MDGA2: variants seen among roughly 807,000 people sequenced by gnomAD.
MDGA2 encodes MAM domain-containing glycosylphosphatidylinositol anchor protein 2.
In MDGA2, 40 loss-of-function variants were observed where a neutral mutation model predicts 117.8. The observed-to-expected ratio is 0.34, with a 90% CI of 0.26 to 0.44. The LOEUF (loss-of-function observed/expected upper bound fraction) is 0.44. Ranked by LOEUF, MDGA2 falls within the 20% of genes least tolerant of loss-of-function variation. The pLI is 1.00. For synonymous variants in MDGA2, 452 were observed against 439.0 expected (o/e 1.03, Z -0.37); for missense variants, 1,123 against 1,250.6 (o/e 0.90, Z 1.54).
At chr14:47,481,132 T>C (rs1893946582) in intron 1 of MDGA2, among the ~76,000 whole-genome samples, 2 of 151,982 alleles carry the variant, frequency 1.3e-5, no homozygotes, top group African/African-American at 2.4e-5. Flanking sequence ...GCCTAAGTTA[T>C]TGTGATGCTA....
At chr14:46,854,886 G>T in intron 15 of MDGA2, 138 bp downstream of exon 15, 1 of 722,086 alleles carries the variant, frequency 1.4e-6, no homozygotes, top group Non-Finnish European at 2.0e-6. Context: ...TAGAACTAAA[G>T]CAAAACCTAA....
chr14:47,561,158 G>GTTTTTTTTTTTTTTTTTTTTTTTT (rs200625450), intron 1 of MDGA2, among the ~76,000 whole-genome samples: 6 of 55,074 alleles, frequency 1.1e-4, no homozygotes, highest in Admixed American at 5.0e-4. Context: ...TTTTTGTTTT[G>GTTTTTTTTTTTTTTTTTTTTTTTT]TTTTGTTTTT....
intron 1 of MDGA2, among the ~76,000 whole-genome samples, chr14:47,517,771 GAC>G (rs1256840086): frequency 6.6e-6 from 1 of 152,014 alleles, no homozygotes; most frequent in Non-Finnish European, 1.5e-5. Context: ...ACATGAAACT[GAC>G]AAAAAATGTT....
intron 8 of MDGA2, among the ~76,000 whole-genome samples, chr14:46,958,008 T>A (rs968395715): frequency 1.3e-5 from 2 of 152,204 alleles, no homozygotes; most frequent in Non-Finnish European, 2.9e-5. Context: ...GTAAGAATTC[T>A]TTTTTTATTA....
At chr14:47,349,245 T>C (rs1203866815) in intron 1 of MDGA2, among the ~76,000 whole-genome samples, 1 of 152,222 alleles carries the variant, frequency 6.6e-6, no homozygotes, top group East Asian at 1.9e-4. Context: ...GGCACTGGAT[T>C]GCCCTAGACA....
At chr14:47,095,572 G>T (rs1173166325) in intron 6 of MDGA2, among the ~76,000 whole-genome samples, 1 of 151,768 alleles carries the variant, frequency 6.6e-6, no homozygotes, top group Non-Finnish European at 1.5e-5. Context: ...CATTATGGTA[G>T]TTTAACTGGC....
chr14:47,200,131 A>G (rs879694552), intron 3 of MDGA2, among the ~76,000 whole-genome samples: 1 of 152,040 alleles, frequency 6.6e-6, no homozygotes, highest in Admixed American at 6.5e-5. Context: ...TATGTTGTAT[A>G]TATGTGTTTA....
intron 1 of MDGA2, among the ~76,000 whole-genome samples, chr14:47,328,320 A>G (rs1890200823): frequency 6.6e-6 from 1 of 152,126 alleles, no homozygotes; most frequent in Non-Finnish European, 1.5e-5. Context: ...ATGAAATCCT[A>G]TATTTCTACT....
intron 1 of MDGA2, among the ~76,000 whole-genome samples, chr14:47,503,752 T>G (rs910262235): frequency 6.6e-6 from 1 of 152,188 alleles, no homozygotes; most frequent in Non-Finnish European, 1.5e-5. Flanking sequence ...TTTATTTTGT[T>G]GTCAATACCA....
chr14:46,966,188 T>C (rs59859694), intron 8 of MDGA2, among the ~76,000 whole-genome samples: 5,200 of 152,186 alleles, frequency 0.034, 291 homozygotes, highest in African/African-American at 0.12. Context: ...CAATAACCCA[T>C]TTATAGAAGA....
intron 1 of MDGA2, among the ~76,000 whole-genome samples, chr14:47,519,501 T>C (rs1471414702): frequency 1.3e-5 from 2 of 152,140 alleles, no homozygotes; most frequent in Non-Finnish European, 2.9e-5. Flanking sequence ...TCTTAGAGAG[T>C]TTGAATTTAC....
intron 5 of MDGA2, among the ~76,000 whole-genome samples, chr14:47,099,053 C>G (rs1566623082): frequency 6.6e-6 from 1 of 151,866 alleles, no homozygotes; most frequent in Non-Finnish European, 1.5e-5. Context: ...GACTTGGAAA[C>G]ACAGTATTGC....
intron 1 of MDGA2, among the ~76,000 whole-genome samples, chr14:47,483,208 T>A (rs923115210): frequency 2.0e-5 from 3 of 152,182 alleles, no homozygotes; most frequent in African/African-American, 7.2e-5. Flanking sequence ...TATCTATTGT[T>A]TAAAATTGGT....
At chr14:47,178,535 T>G (rs1054400301) in intron 3 of MDGA2, among the ~76,000 whole-genome samples, 1 of 152,204 alleles carries the variant, frequency 6.6e-6, no homozygotes, top group Non-Finnish European at 1.5e-5. Context: ...ATTGTTCAGT[T>G]AATTCACTTA....
intron 7 of MDGA2, among the ~76,000 whole-genome samples, chr14:47,053,917 T>C (rs1272973729): frequency 2.6e-5 from 4 of 151,876 alleles, no homozygotes; most frequent in African/African-American, 9.7e-5. Flanking sequence ...GATCCCATAA[T>C]TCTATAGATG....
chr14:46,929,935 C>T (rs1387751842), intron 9 of MDGA2, among the ~76,000 whole-genome samples: 1 of 150,968 alleles, frequency 6.6e-6, no homozygotes, highest in East Asian at 2.0e-4. Context: ...TGCGCCCGGC[C>T]CATGATTATA....
At chr14:47,447,229 G>C (rs1328040869) in intron 1 of MDGA2, among the ~76,000 whole-genome samples, 1 of 152,100 alleles carries the variant, frequency 6.6e-6, no homozygotes, top group Admixed American at 6.6e-5. Context: ...CCCTACTGTG[G>C]CTTGGCTTGG....
chr14:47,285,989 T>C (rs947204047), intron 2 of MDGA2, among the ~76,000 whole-genome samples: 3 of 152,048 alleles, frequency 2.0e-5, no homozygotes, highest in Non-Finnish European at 2.9e-5. Context: ...TGAGACCTAC[T>C]ACGTGTGAAG....
chr14:46,958,878 T>A (rs779713592), intron 8 of MDGA2, among the ~76,000 whole-genome samples: 2 of 152,214 alleles, frequency 1.3e-5, no homozygotes, highest in Non-Finnish European at 2.9e-5. Context: ...TATAATAGAT[T>A]TCTGTTCTGG....
Sources: allele counts gnomAD v4.1 joint callset (sites outside exome capture counted in the v4.1 genomes callset), GRCh38; gene constraint gnomAD v4.1.1; transcripts MANE v1.5; gene names NCBI Gene and HGNC (gene_info 2026-07-23, HGNC 2026-07-21).